SLC5A10: variants seen among roughly 807,000 people sequenced by gnomAD.
The protein encoded by SLC5A10 is sodium/mannose cotransporter SLC5A10.
In SLC5A10, 55 loss-of-function variants were observed where a neutral mutation model predicts 68.9. The observed-to-expected ratio is 0.80, with a 90% CI of 0.64 to 1.00. SLC5A10 has a LOEUF of 1.00. SLC5A10 is among the 50% of genes least tolerant of loss of function. SLC5A10 has a pLI of 0.00. For synonymous variants in SLC5A10, 344 were observed against 344.8 expected (o/e 1.00, Z 0.02); for missense variants, 732 against 819.3 (o/e 0.89, Z 1.30).
intron 9 of SLC5A10, among the ~76,000 whole-genome samples, chr17:19,005,577 G>C (rs1000108166): frequency 2.6e-5 from 4 of 152,106 alleles, no homozygotes; most frequent in African/African-American, 9.7e-5. Context: ...GATCTGGATG[G>C]GGCTGGTTTG....
rs1297045015 is a variant in SLC5A10 at position 19,003,736 on chromosome 17, G to T, written c.983-9674G>T. On this transcript the variant is annotated intron_variant, in intron 9 of 14. Coordinates refer to ENST00000395645, the MANE Select transcript of SLC5A10 (RefSeq NM_001042450.4). The surrounding 1 kb of genome is among the most constrained non-coding windows in gnomAD (Gnocchi z 4.5). ...CCTCGATGGGGACCCCATCCGCCCC[G>T]CTGGCTTCCTCGCCGTCGCCGACCC... The T allele has an allele frequency of 6.2e-7, 1 of 1,604,544 alleles. No individual in the cohort carries two copies. Among genetic ancestry groups the T allele is most frequent in the South Asian group, 1.1e-5 (1 of 90,504 alleles).
At chr17:18,957,009 T>C (rs1232361761) in intron 1 of SLC5A10, among the ~76,000 whole-genome samples, 1 of 151,666 alleles carries the variant, frequency 6.6e-6, no homozygotes, top group Admixed American at 6.6e-5. Flanking sequence ...ATTAGCCAGG[T>C]GTGGTGGTGC....
At chr17:19,006,158 C>T (rs2152145907) in intron 9 of SLC5A10, among the ~76,000 whole-genome samples, 1 of 152,314 alleles carries the variant, frequency 6.6e-6, no homozygotes, top group African/African-American at 2.4e-5. Flanking sequence ...TTTTGCATAA[C>T]TATAATACAA....
rs777763111 is a variant in SLC5A10, at chr17:18,976,952, C to T, written c.945C>T (p.Ile315=). ...TCAAGATGCTCCCCATGGGCCTGATCATCATGCCGGGCATGATCAGCCGCG... is the reference window on the plus strand; with the variant it reads ...TCAAGATGCTCCCCATGGGCCTGATTATCATGCCGGGCATGATCAGCCGCG... The part of the protein sequence containing the change: ...SYLKMLPMGL[I]IMPGMISRAL... Residue 315 remains isoleucine (I), a synonymous_variant, in exon 9 of 15, where the codon ATC becomes ATT. Transcript: ENST00000395645. 4.3e-5 allele frequency: 69 copies of T among 1,613,244 alleles called. 1 individual carries two copies. The highest frequency in any genetic ancestry group is 2.2e-4 in the Admixed American group (13 of 59,996).
intron 8 of SLC5A10, among the ~76,000 whole-genome samples, chr17:18,974,823 C>T (rs1452144238): frequency 6.6e-6 from 1 of 152,174 alleles, no homozygotes; most frequent in Non-Finnish European, 1.5e-5. Context: ...GAGTGAGTGC[C>T]GGCTTCCTCA....
In SLC5A10 at chr17:18,997,854, T is replaced by A. The variant is rs73981278; in HGVS notation, c.983-15556T>A. On this transcript the variant is annotated intron_variant, in intron 9 of 14. Transcript: ENST00000395645. ...CTGGCATCTACCGATGCCAGCTCCA[T>A]GCCAGACACAGAGTGTTTTACACAC... Among the ~76,000 whole-genome samples, 3 of 151,984 alleles carry A rather than the reference T, an allele frequency of 2.0e-5. No individual in the cohort carries two copies. In the South Asian group the frequency reaches 6.2e-4, roughly 31 times the overall value.
At chr17:18,992,367 C>A (rs1056906728) in intron 9 of SLC5A10, among the ~76,000 whole-genome samples, 2 of 152,202 alleles carry the variant, frequency 1.3e-5, no homozygotes, top group Non-Finnish European at 2.9e-5. Flanking sequence ...ATCCCCAGTG[C>A]CCTGCCAGGA....
chr17:18,980,315 G>A (rs2043098752), intron 9 of SLC5A10, among the ~76,000 whole-genome samples: 2 of 152,138 alleles, frequency 1.3e-5, no homozygotes, highest in South Asian at 2.1e-4. Flanking sequence ...GCCAGGTCCT[G>A]TAAATGGTCA....
intron 10 of SLC5A10, among the ~76,000 whole-genome samples, chr17:19,014,595 C>T (rs2044091192): frequency 6.6e-6 from 1 of 152,212 alleles, no homozygotes; most frequent in African/African-American, 2.4e-5. Context: ...CCACCGCACC[C>T]CAAAGTCCTG....
chr17:18,999,972 A>G (rs190179357), intron 9 of SLC5A10, among the ~76,000 whole-genome samples: 1 of 152,278 alleles, frequency 6.6e-6, no homozygotes, highest in Admixed American at 6.5e-5. Context: ...CTGCTGGAGG[A>G]GCAACCAGCT....
rs558296692 is a variant in SLC5A10 at position 18,990,420 on chromosome 17, C to A, written c.982+13431C>A. 3.1e-4 allele frequency among the ~76,000 whole-genome samples: 47 copies of A among 152,238 alleles called. 2 individuals are homozygous for A. The South Asian group carries it at 7.7e-3, about 25-fold the overall frequency. On this transcript the variant is annotated intron_variant, in intron 9 of 14. Transcript: ENST00000395645. ...CAGCCCCAGAATCTCCTTAGTTAAG[C>A]CACTTCTGAGCAGGCAAACAGCCTC...
chr17:18,981,715 T>C (rs1373006810), intron 9 of SLC5A10, among the ~76,000 whole-genome samples: 2 of 152,156 alleles, frequency 1.3e-5, no homozygotes, highest in Admixed American at 6.5e-5. Flanking sequence ...AGCCTTTTCA[T>C]AGGGCCCAGT....
At chr17:18,979,454 A>G in intron 9 of SLC5A10, 1 of 1,474,132 alleles carries the variant, frequency 6.8e-7, no homozygotes. Context: ...CTTGGGACCA[A>G]TGAACCGGAA....
chr17:18,971,878 G>A lies in SLC5A10; in HGVS notation c.846+660G>A. ...TCCTGGCTCTGCCATTCACCAGGGA[G>A]TGGGCCTAGACCAGTTGGTTTAGTC... On this transcript the variant is annotated intron_variant, in intron 8 of 14. Coordinates refer to ENST00000395645, the MANE Select transcript of SLC5A10 (RefSeq NM_001042450.4). This position sits in a 1 kb window ranked among gnomAD's most constrained non-coding sequence, Gnocchi z 5.5. The A allele has an allele frequency of 1.0e-6, 1 of 966,778 alleles. No individual in the cohort carries two copies. The highest frequency in any genetic ancestry group is 1.5e-6 in the Non-Finnish European group (1 of 667,442). 59.9% of individuals were successfully genotyped at this position (966,778 alleles called of 1,614,324 possible).
intron 9 of SLC5A10, chr17:18,979,452 C>T (rs2043073574): frequency 1.4e-6 from 2 of 1,462,474 alleles, no homozygotes. Context: ...GCCTTGGGAC[C>T]AATGAACCGG....
At chr17:19,020,101 A>ACCCCCCCCC in intron 13 of SLC5A10, 54 bp from the exon 14 acceptor site, 1 of 1,227,278 alleles carries the variant, frequency 8.1e-7, no homozygotes, top group Non-Finnish European at 1.2e-6. Context: ...TGTCTGGGTC[A>ACCCCCCCCC]CCCCCACCCT....
At chr17:19,007,479 T>G (rs1223143171) in intron 9 of SLC5A10, among the ~76,000 whole-genome samples, 1 of 152,218 alleles carries the variant, frequency 6.6e-6, no homozygotes, top group Non-Finnish European at 1.5e-5. Flanking sequence ...GATAGCTCAC[T>G]GCAACCTCAA....
At position 18,969,140 on chromosome 17, in the gene SLC5A10, C is replaced by CCCTGTACACCATCGCAGGTATGGT; in HGVS notation, c.543_559+7dup. The CCCTGTACACCATCGCAGGTATGGT allele has an allele frequency of 6.2e-7, 1 of 1,614,006 alleles. No homozygotes were observed. Among genetic ancestry groups the CCCTGTACACCATCGCAGGTATGGT allele is most frequent in the Non-Finnish European group, 8.5e-7 (1 of 1,179,952 alleles). On this transcript the variant is annotated inframe_insertion, in exon 6 of 15. Transcript: ENST00000395645. ...ACCATCCTCACGCTCGGCATCACAG[C>CCCTGTACACCATCGCAGGTATGGT]CCTGTACACCATCGCAGGTATGGTG... is the stretch of plus-strand genomic sequence containing the variant.
chr17:19,013,435 C>G lies in SLC5A10; in HGVS notation c.1008C>G (p.Ser336=). Residue 336 remains serine (S), a synonymous_variant, in exon 10 of 15, where the codon TCC becomes TCG. Transcript: ENST00000395645. ...FPDDVGCVVP[S]ECLRACGAEV... ...ATGATGTGGGCTGCGTGGTGCCGTC[C>G]GAGTGCCTGCGGGCCTGCGGGGCCG... 6 of 1,605,572 alleles carry G rather than the reference C, an allele frequency of 3.7e-6. No individual in the cohort carries two copies. Among genetic ancestry groups the G allele is most frequent in the Non-Finnish European group, 5.1e-6 (6 of 1,175,832 alleles).
Sources: gnomAD v4.1 joint callset for allele counts (sites outside exome capture counted in the v4.1 genomes callset) on GRCh38, gnomAD v4.1.1 for gene constraint, Gnocchi (gnomAD v3.1) non-coding constraint, MANE v1.5 for transcripts, NCBI Gene and HGNC (gene_info 2026-07-23, HGNC 2026-07-21) for gene names.